DNAH14: variants seen among roughly 807,000 people sequenced by gnomAD.
DNAH14 encodes the protein dynein axonemal heavy chain 14.
A neutral mutation model predicts 520.9 loss-of-function variants in DNAH14; 478 were observed. The ratio of observed to expected loss-of-function variants is 0.92; its 90% confidence interval spans 0.85 to 0.99. The LOEUF is 0.99. DNAH14 is among the 50% of genes least tolerant of loss of function. The probability of loss-of-function intolerance (pLI) is 0.00; values close to 1 mark genes in which losing one functional copy is unlikely to be tolerated. For missense variants in DNAH14, 4,831 were observed against 5,234.5 expected (o/e 0.92, Z 2.38); for synonymous variants, 1,581 against 1,757.2 (o/e 0.90, Z 2.51).
At chr1:225,334,086 A>C (rs1265567254) in intron 66 of DNAH14, among the ~76,000 whole-genome samples, 2 of 152,238 alleles carry the variant, frequency 1.3e-5, no homozygotes, top group East Asian at 3.8e-4. Context: ...TAACCAATTT[A>C]AACTCAAATA....
At position 225,289,926 on chromosome 1, in the gene DNAH14, G is replaced by A. The variant is rs2093828197; in HGVS notation, c.8313G>A (p.Leu2771=). The change falls in exon 55 of 86, where the codon TTG becomes TTA. Residue 2771 remains leucine, a synonymous_variant. Transcript: ENST00000682510. ...DGCGKKTCAT[L]ACYLTDNKLY... Reference sequence around the variant, plus strand: ...GTGGGAAAAAAACATGTGCAACCTTGGCCTGTTATTTGACAGATAATAAAC... The same window carrying A: ...GTGGGAAAAAAACATGTGCAACCTTAGCCTGTTATTTGACAGATAATAAAC... 2 of 1,491,874 alleles carry A rather than the reference G, an allele frequency of 1.3e-6. No individual in the cohort carries two copies. Among genetic ancestry groups the A allele is most frequent in the Non-Finnish European group, 1.8e-6 (2 of 1,115,504 alleles). The allele number at this position is 1,491,874 out of a possible 1,614,324, so 92.4% of individuals were successfully genotyped here.
chr1:225,379,596 T>G (rs1054945238), intron 79 of DNAH14, among the ~76,000 whole-genome samples: 1 of 152,016 alleles, frequency 6.6e-6, no homozygotes, highest in Non-Finnish European at 1.5e-5. Context: ...GGCATAATCT[T>G]GGCTCACTGC....
chr1:225,133,015 A>G (rs2078591654), intron 27 of DNAH14, among the ~76,000 whole-genome samples: 1 of 152,100 alleles, frequency 6.6e-6, no homozygotes. Context: ...GGGCGCATGT[A>G]TGTCTTTTTT....
chr1:225,022,092 A>C (rs2148018843), intron 10 of DNAH14, among the ~76,000 whole-genome samples: 1 of 152,342 alleles, frequency 6.6e-6, no homozygotes. Flanking sequence ...ACTATATACA[A>C]AAATTAACTC....
At chr1:225,222,672 A>G (rs2090154490) in intron 41 of DNAH14, among the ~76,000 whole-genome samples, 1 of 152,128 alleles carries the variant, frequency 6.6e-6, no homozygotes, top group African/African-American at 2.4e-5. Flanking sequence ...ACACTGGTGC[A>G]TTTTACAAAC....
At chr1:225,310,248 A>C (rs1234923003) in intron 60 of DNAH14, among the ~76,000 whole-genome samples, 1 of 151,974 alleles carries the variant, frequency 6.6e-6, no homozygotes. Flanking sequence ...TGGCTTCAGC[A>C]CAAAGCCAGA....
chr1:225,156,881 A>AC (rs1427998003), intron 34 of DNAH14, among the ~76,000 whole-genome samples: 1 of 136,268 alleles, frequency 7.3e-6, no homozygotes, highest in Non-Finnish European at 1.6e-5. Context: ...CGCCCGGCTA[A>AC]TTTTTTTGTA....
In DNAH14 at chr1:225,353,496, G is replaced by T. The variant is rs561566269; in HGVS notation, c.11534-307G>T. ...GGAACAGGTTATGATGTGTTGGCTG[G>T]CTATGCCTTTGGCTTCTCATTTTAT... On this transcript the variant is annotated intron_variant, in intron 72 of 85. Coordinates refer to ENST00000682510, the MANE Select transcript of DNAH14 (RefSeq NM_001367479.1). Among the ~76,000 whole-genome samples the T allele has an allele frequency of 6.6e-5, 10 of 152,144 alleles. No homozygotes were observed. The South Asian group carries it at 2.1e-3, about 32-fold the overall frequency.
intron 28 of DNAH14, among the ~76,000 whole-genome samples, chr1:225,141,480 G>T: frequency 6.6e-6 from 1 of 150,910 alleles, no homozygotes. Flanking sequence ...TGTTTGGGCG[G>T]GGGCGGGGGC....
chr1:225,008,468 T>C (rs1301503541), intron 10 of DNAH14, among the ~76,000 whole-genome samples: 2 of 152,130 alleles, frequency 1.3e-5, no homozygotes, highest in Non-Finnish European at 2.9e-5. Context: ...TCAAATGGTA[T>C]TTCTAGTTCT....
chr1:225,228,863 G>C (rs556554113), intron 41 of DNAH14, among the ~76,000 whole-genome samples: 1 of 152,110 alleles, frequency 6.6e-6, no homozygotes, highest in African/African-American at 2.4e-5. Context: ...TTGGAAGGCC[G>C]GGGGTTTTGC....
intron 35 of DNAH14, among the ~76,000 whole-genome samples, chr1:225,167,489 AT>A (rs2149197100): frequency 6.6e-6 from 1 of 152,280 alleles, no homozygotes; most frequent in African/African-American, 2.4e-5. Flanking sequence ...TGTAAATTTT[AT>A]TTACTGTCTT....
At chr1:225,140,729 A>G in intron 27 of DNAH14, 39 bp from the exon 28 acceptor site, 1 of 1,303,810 alleles carries the variant, frequency 7.7e-7, no homozygotes, top group Non-Finnish European at 1.1e-6. Flanking sequence ...ATATATATAT[A>G]GAGAGAGATA....
chr1:225,170,713 G>A (rs527437982), intron 36 of DNAH14, among the ~76,000 whole-genome samples: 44 of 152,258 alleles, frequency 2.9e-4, no homozygotes, highest in African/African-American at 1.0e-3. Context: ...AGATCAATGA[G>A]ACAAAAAGTT....
intron 8 of DNAH14, 58 bp downstream of exon 8, chr1:224,974,211 T>C: frequency 8.9e-7 from 1 of 1,122,048 alleles, no homozygotes. Context: ...GTTTTACATG[T>C]ACTATGGAAG....
intron 17 of DNAH14, among the ~76,000 whole-genome samples, chr1:225,057,659 G>A (rs2069322153): frequency 6.6e-6 from 1 of 152,202 alleles, no homozygotes; most frequent in Non-Finnish European, 1.5e-5. Flanking sequence ...GATATTGGCT[G>A]TGGGTTTGCC....
chr1:225,058,589 C>T (rs1460675205), intron 17 of DNAH14, among the ~76,000 whole-genome samples: 1 of 152,170 alleles, frequency 6.6e-6, no homozygotes, highest in Admixed American at 6.5e-5. Context: ...AATGTGTTTG[C>T]TCTTGCTTCT....
chr1:225,086,094 CA>C (rs2073749852), intron 21 of DNAH14, among the ~76,000 whole-genome samples: 1 of 151,314 alleles, frequency 6.6e-6, no homozygotes, highest in Admixed American at 6.6e-5. Flanking sequence ...CCTCACTGAG[CA>C]ACCCCACGTG....
rs756754020 is a variant in DNAH14 at position 225,051,708 on chromosome 1, A to G, written c.2337A>G (p.Glu779=). 2 of 1,551,306 alleles carry G rather than the reference A, an allele frequency of 1.3e-6. No individual in the cohort carries two copies. The highest frequency in any genetic ancestry group is 2.4e-5 in the South Asian group (2 of 84,030). Residue 779 remains glutamate, a synonymous_variant, in exon 17 of 86, where the codon GAA becomes GAG. Coordinates refer to ENST00000682510, the MANE Select transcript of DNAH14 (RefSeq NM_001367479.1). ...TTGTAAGTCTTGATTATCAATCAGA[A>G]TGCTTACTGTATATTGACAACGTCA... ...FNVVSLDYQS[E]CLLYIDNVIH... is the part of the protein sequence containing the mutation.
Sources: allele counts gnomAD v4.1 joint callset (sites outside exome capture counted in the v4.1 genomes callset), GRCh38; gene constraint gnomAD v4.1.1; transcripts MANE v1.5; gene names NCBI Gene and HGNC (gene_info 2026-07-23, HGNC 2026-07-21).